Variants in LRRC14 observed in about 807,000 individuals in gnomAD.
LRRC14 encodes the protein leucine-rich repeat-containing protein 14.
LRRC14 carries 16 observed loss-of-function variants against 25.3 expected under a neutral mutation model. The observed-to-expected ratio is 0.63, with a 90% CI of 0.43 to 0.96. LRRC14 has a LOEUF of 0.96. Ranked by LOEUF, LRRC14 falls within the 40% of genes least tolerant of loss-of-function variation. The pLI is 0.00. For synonymous variants in LRRC14, 359 were observed against 295.1 expected (o/e 1.22, Z -2.22); for missense variants, 594 against 660.5 (o/e 0.90, Z 1.10).
At position 144,518,008 on chromosome 8, in the gene LRRC14, G is replaced by A. The variant is rs1371401783; in HGVS notation, c.-145G>A. The A allele has an allele frequency of 9.0e-5, 24 of 267,596 alleles. No homozygotes were observed. Among genetic ancestry groups the A allele is most frequent in the Admixed American group, 5.6e-5 (1 of 17,910 alleles). The allele number at this position is 267,596 out of a possible 1,614,324, so 16.6% of individuals were successfully genotyped here. A position where few individuals can be genotyped will look rare whatever the true frequency, so the allele number is the denominator to read the frequency against. On this transcript the variant is annotated 5_prime_UTR_variant, in exon 1 of 4. Transcript: ENST00000292524. The stretch of plus-strand genomic sequence containing the variant: ...GCGGGGAGCGGCGGACGGTCTAGGC[G>A]GGGCTGGAGGCGGTGGCTGCGGTTG...
chr8:144,523,701 G>A lies in LRRC14; in HGVS notation c.*2223G>A. The A allele has an allele frequency of 2.4e-6, 1 of 423,514 alleles. No homozygotes were observed. Among genetic ancestry groups the A allele is most frequent in the East Asian group, 3.7e-5 (1 of 26,722 alleles). 26.2% of individuals were successfully genotyped at this position (423,514 alleles called of 1,614,324 possible). On this transcript the variant is annotated 3_prime_UTR_variant, in exon 4 of 4. Transcript: ENST00000292524. ...AAGTCTTCCTGCAACAAGTGCCACT[G>A]TTTTTAGGAACCTGGGCGTCCACAT...
chr8:144,521,106 G>A lies in LRRC14; in HGVS notation c.1110G>A (p.Leu370=), dbSNP rs763516828. 6.2e-7 allele frequency: 1 copy of A among 1,613,092 alleles called. No individual in the cohort carries two copies. Among genetic ancestry groups the A allele is most frequent in the Non-Finnish European group, 8.5e-7 (1 of 1,180,034 alleles). The change falls in exon 4 of 4, where the codon CTG becomes CTA. Residue 370 remains leucine, a synonymous_variant. Coordinates refer to ENST00000292524, the MANE Select transcript of LRRC14 (RefSeq NM_014665.4). ...CATCAGCAGCCACACTGTTGCATCT[G>A]GAGCTGACTGAGTGTCAGCTCGCAG... ...LQASAATLLH[L]ELTECQLADT...
rs1488995948 is a variant in LRRC14 at position 144,522,611 on chromosome 8, T to C, written c.*1133T>C. Reference sequence around the variant, plus strand: ...CTTGGAGCGGTTGATGACGAACATCTCGTGGCCGCGCTCGTCGCGGAGCTC... The same window carrying C: ...CTTGGAGCGGTTGATGACGAACATCCCGTGGCCGCGCTCGTCGCGGAGCTC... On this transcript the variant is annotated 3_prime_UTR_variant, in exon 4 of 4. Transcript: ENST00000292524. 6.4e-7 allele frequency: 1 copy of C among 1,571,246 alleles called. No homozygotes were observed. Among genetic ancestry groups the C allele is most frequent in the Admixed American group, 1.8e-5 (1 of 55,050 alleles).
Position 144,522,932 on chromosome 8 carries a change from A to G in LRRC14, c.*1454A>G, listed in dbSNP as rs751573481. The G allele has an allele frequency of 6.5e-7, 1 of 1,533,094 alleles. No individual in the cohort carries two copies. Among genetic ancestry groups the G allele is most frequent in the East Asian group, 2.6e-5 (1 of 38,522 alleles). The allele number at this position is 1,533,094 out of a possible 1,614,324, so 95.0% of individuals were successfully genotyped here. On this transcript the variant is annotated 3_prime_UTR_variant, in exon 4 of 4. Coordinates refer to ENST00000292524, the MANE Select transcript of LRRC14 (RefSeq NM_014665.4). ...CTGCGGCTGCTGCCGGGACGCGTTG[A>G]CCAGGAGCCGGAAGGGCACGCGGGC... is the stretch of plus-strand genomic sequence containing the variant.
Position 144,521,974 on chromosome 8 carries a change from G to C in LRRC14, c.*496G>C, listed in dbSNP as rs1339823079. ...TGCCACCCAGCCACCCCACTGGGCT[G>C]GGCTCGGGCTGGAGGGGGTCATCAA... On this transcript the variant is annotated 3_prime_UTR_variant, in exon 4 of 4. Transcript: ENST00000292524. 5.7e-6 allele frequency: 1 copy of C among 175,688 alleles called. No individual in the cohort carries two copies. Among genetic ancestry groups the C allele is most frequent in the African/African-American group, 2.4e-5 (1 of 42,040 alleles). The allele number at this position is 175,688 out of a possible 1,614,324, so 10.9% of individuals were successfully genotyped here. A position where few individuals can be genotyped will look rare whatever the true frequency, so the allele number is the denominator to read the frequency against.
Position 144,519,644 on chromosome 8 carries a change from G to A in LRRC14, c.-82G>A. On this transcript the variant is annotated 5_prime_UTR_variant, in exon 2 of 4. The change creates a new upstream start codon in the 5' untranslated region. Transcript: ENST00000292524. ...TATGCTGGGCCTTCCTACCACTTGT[G>A]TGTGGCTTGGTAGTGGCCTAGGGTC... The A allele has an allele frequency of 1.6e-6, 2 of 1,261,796 alleles. No individual in the cohort carries two copies. Among genetic ancestry groups the A allele is most frequent in the South Asian group, 1.4e-5 (1 of 73,554 alleles). 78.2% of individuals were successfully genotyped at this position (1,261,796 alleles called of 1,614,324 possible). A position where few individuals can be genotyped will look rare whatever the true frequency, so the allele number is the denominator to read the frequency against.
chr8:144,523,559 C>T lies in LRRC14; in HGVS notation c.*2081C>T, dbSNP rs1816220578. On this transcript the variant is annotated 3_prime_UTR_variant, in exon 4 of 4. Transcript: ENST00000292524. ...CAAGGCCCTGCCACCCCTTCCTTGA[C>T]CCCAAGCTCCTTGGGGCGGCAGGCC... The T allele has an allele frequency of 7.8e-7, 1 of 1,274,520 alleles. No individual in the cohort carries two copies. The highest frequency in any genetic ancestry group is 1.0e-6 in the Non-Finnish European group (1 of 989,752). The allele number at this position is 1,274,520 out of a possible 1,614,324, so 79.0% of individuals were successfully genotyped here.
chr8:144,523,414 G>T lies in LRRC14; in HGVS notation c.*1936G>T. On this transcript the variant is annotated 3_prime_UTR_variant, in exon 4 of 4. Transcript: ENST00000292524. ...AGTCACAGCGCCATGGGTTCTCTGT[G>T]GGAGAGCAGCGTTAGGCAGGTGGCT... 6.6e-7 allele frequency: 1 copy of T among 1,522,126 alleles called. No homozygotes were observed. The allele number at this position is 1,522,126 out of a possible 1,614,324, so 94.3% of individuals were successfully genotyped here.
In LRRC14 at chr8:144,520,721, C is replaced by T. The variant is rs1815966142; in HGVS notation, c.813C>T (p.Asp271=). 2 of 1,599,290 alleles carry T rather than the reference C, an allele frequency of 1.3e-6. No homozygotes were observed. The highest frequency in any genetic ancestry group is 1.7e-6 in the Non-Finnish European group (2 of 1,179,950). ...DSRQPSVDGE[D]NFRYFLAQMG... ...GGCAGCCCTCCGTGGATGGCGAGGA[C>T]AACTTCCGCTACTTCCTTGCCCAGA... The change falls in exon 3 of 4, where the codon GAC becomes GAT. Residue 271 remains aspartate, a synonymous_variant. Transcript: ENST00000292524.
rs971071349 is a variant in LRRC14, at chr8:144,520,517, G to A, written c.609G>A (p.Glu203=). Residue 203 remains glutamate, a synonymous_variant, in exon 3 of 4, where the codon GAG becomes GAA. Transcript: ENST00000292524. ...TCTGCTGCCGGGACCTGCGAGCTGAGGACCTGCCCATGCGCAACACTGTGG... is the reference window on the plus strand; with the variant it reads ...TCTGCTGCCGGGACCTGCGAGCTGAAGACCTGCCCATGCGCAACACTGTGG... The part of the protein sequence containing the change: ...LRLCCRDLRA[E]DLPMRNTVAL... The A allele has an allele frequency of 6.3e-7, 1 of 1,599,488 alleles. No homozygotes were observed. Among genetic ancestry groups the A allele is most frequent in the Middle Eastern group, 1.7e-4 (1 of 6,058 alleles).
At position 144,524,671 on chromosome 8, in the gene LRRC14, G is replaced by A. The variant is rs1816288618; in HGVS notation, c.*3193G>A. ...CGGCGCAGAGCGGCGAGTGGCGCCAGGGCTCCCGGCTCTAGGCGGGCGATG... is the reference window on the plus strand; with the variant it reads ...CGGCGCAGAGCGGCGAGTGGCGCCAAGGCTCCCGGCTCTAGGCGGGCGATG... On this transcript the variant is annotated 3_prime_UTR_variant, in exon 4 of 4. Coordinates refer to ENST00000292524, the MANE Select transcript of LRRC14 (RefSeq NM_014665.4). The A allele has an allele frequency of 1.3e-6, 2 of 1,486,566 alleles. No homozygotes were observed. The highest frequency in any genetic ancestry group is 1.8e-6 in the Non-Finnish European group (2 of 1,129,118). The allele number at this position is 1,486,566 out of a possible 1,614,324, so 92.1% of individuals were successfully genotyped here.
rs1162639468 is a variant in LRRC14, at chr8:144,521,473, C to T, written c.1477C>T (p.Leu493=). ...GCGACTGGCTGCGGACTACTTCAGC[C>T]TATGATGAAGTAGCTCTGGGTGAGA... ...YGRLAADYFS[L] is the part of the protein sequence containing the mutation. Residue 493 remains leucine, a synonymous_variant, in exon 4 of 4, where the codon CTA becomes TTA. Transcript: ENST00000292524. 4 of 1,596,284 alleles carry T rather than the reference C, an allele frequency of 2.5e-6. No individual in the cohort carries two copies. Among genetic ancestry groups the T allele is most frequent in the Non-Finnish European group, 3.4e-6 (4 of 1,175,650 alleles).
Position 144,524,970 on chromosome 8 carries a change from G to C in LRRC14, c.*3492G>C. On this transcript the variant is annotated 3_prime_UTR_variant, in exon 4 of 4. Transcript: ENST00000292524. ...CGGCAGCAGTGCGGGGGCCCTCAGG[G>C]CCATCTCCCGAGGCCCGGTTCCTCA... 6.8e-7 allele frequency: 1 copy of C among 1,462,284 alleles called. No homozygotes were observed. The highest frequency in any genetic ancestry group is 9.0e-7 in the Non-Finnish European group (1 of 1,108,058). 90.6% of individuals were successfully genotyped at this position (1,462,284 alleles called of 1,614,324 possible).
In LRRC14 at chr8:144,522,710, C is replaced by G. The variant is rs552413734; in HGVS notation, c.*1232C>G. 1 of 1,596,562 alleles carries G rather than the reference C, an allele frequency of 6.3e-7. No individual in the cohort carries two copies. Among genetic ancestry groups the G allele is most frequent in the African/African-American group, 1.4e-5 (1 of 73,824 alleles). The stretch of plus-strand genomic sequence containing the variant: ...CAGCGCTCCCTCCCCCGGAGGCCCC[C>G]GCGCCTTTTTTCGCCTGCGGCGCCG... On this transcript the variant is annotated 3_prime_UTR_variant, in exon 4 of 4. Transcript: ENST00000292524.
In LRRC14 at chr8:144,522,751, G is replaced by A. The variant is rs1191976812; in HGVS notation, c.*1273G>A. On this transcript the variant is annotated 3_prime_UTR_variant, in exon 4 of 4. Coordinates refer to ENST00000292524, the MANE Select transcript of LRRC14 (RefSeq NM_014665.4). ...TGCGGCGCCGGCGACAGATCATGGC[G>A]ACCAGGAGCAGCGCCGTGAGCGCCA... 1.4e-5 allele frequency: 22 copies of A among 1,585,240 alleles called. No individual in the cohort carries two copies. The highest frequency in any genetic ancestry group is 3.5e-5 in the Admixed American group (2 of 56,914).
chr8:144,521,266 C>A lies in LRRC14; in HGVS notation c.1270C>A (p.Arg424Ser). The A allele has an allele frequency of 6.2e-7, 1 of 1,613,140 alleles. No homozygotes were observed. The highest frequency in any genetic ancestry group is 8.5e-7 in the Non-Finnish European group (1 of 1,180,004). Residue 424 changes from arginine (R) to serine (S), a missense_variant, in exon 4 of 4, where the codon CGT becomes AGT. Coordinates refer to ENST00000292524, the MANE Select transcript of LRRC14 (RefSeq NM_014665.4). Reference protein sequence around the residue: ...LRDSVAQAELRTVVHPFPVDC... With the variant: ...LRDSVAQAELSTVVHPFPVDC... ...GGACTCAGTGGCACAGGCTGAGCTG[C>A]GTACTGTGGTGCACCCCTTCCCTGT...
At position 144,524,562 on chromosome 8, in the gene LRRC14, G is replaced by GT; in HGVS notation, c.*3085dup. 3.2e-6 allele frequency: 5 copies of GT among 1,568,660 alleles called. No homozygotes were observed. The stretch of plus-strand genomic sequence containing the variant: ...GCGCAAGCCGCGCAGCCGGTTGCTA[G>GT]TGAGCGCCAGCTCCAGCAGGCGCGG... On this transcript the variant is annotated 3_prime_UTR_variant, in exon 4 of 4. Coordinates refer to ENST00000292524, the MANE Select transcript of LRRC14 (RefSeq NM_014665.4).
At position 144,524,817 on chromosome 8, in the gene LRRC14, T is replaced by C. The variant is rs1217781443; in HGVS notation, c.*3339T>C. On this transcript the variant is annotated 3_prime_UTR_variant, in exon 4 of 4. Transcript: ENST00000292524. ...CCCGCAGCTCCACACGGTGCCCACC[T>C]GCGTCCCTGGCGGGATTCCCAGCGG... The C allele has an allele frequency of 2.0e-6, 3 of 1,465,620 alleles. No individual in the cohort carries two copies. The highest frequency in any genetic ancestry group is 2.7e-6 in the Non-Finnish European group (3 of 1,109,110). 90.8% of individuals were successfully genotyped at this position (1,465,620 alleles called of 1,614,324 possible).
rs3757965 is a variant in LRRC14, at chr8:144,522,213, G to A, written c.*735G>A. 0.39 allele frequency: 167,971 copies of A among 432,758 alleles called. 33,694 individuals are homozygous for A. Among genetic ancestry groups the A allele is most frequent in the Middle Eastern group, 0.57 (948 of 1,662 alleles). The allele number at this position is 432,758 out of a possible 1,614,324, so 26.8% of individuals were successfully genotyped here. ...TTCGGAGGCCCAAGATCCTACTGTG[G>A]CCGGCCAGGGCCAGCGAGGGACCCC... is the stretch of plus-strand genomic sequence containing the variant. On this transcript the variant is annotated 3_prime_UTR_variant, in exon 4 of 4. Coordinates refer to ENST00000292524, the MANE Select transcript of LRRC14 (RefSeq NM_014665.4).
Sources: allele counts gnomAD v4.1 joint callset, GRCh38; gene constraint gnomAD v4.1.1; transcripts MANE v1.5; gene names NCBI Gene and HGNC (gene_info 2026-07-23, HGNC 2026-07-21).